KDM2B: variants seen among roughly 807,000 people sequenced by gnomAD.
The protein encoded by KDM2B is lysine demethylase 2B.
A neutral mutation model predicts 150.0 loss-of-function variants in KDM2B; 26 were observed. That is an observed-to-expected ratio of 0.17 (90% confidence interval 0.13 to 0.24). The LOEUF is 0.24. Among genes scored for constraint, KDM2B ranks in the 10% least tolerant of loss-of-function variants. The pLI is 1.00. For missense variants in KDM2B, 1,265 were observed against 1,816.9 expected (o/e 0.70, Z 5.52); for synonymous variants, 734 against 729.5 (o/e 1.01, Z -0.10).
the KDM2B span, among the ~76,000 whole-genome samples, chr12:121,413,119 C>T: frequency 2.1e-5 from 3 of 145,786 alleles, no homozygotes; most frequent in Non-Finnish European, 3.0e-5. Flanking sequence ...TCCGCCTCCC[C>T]GGTTCAAGCG....
intron 6 of KDM2B, among the ~76,000 whole-genome samples, chr12:121,540,777 A>G (rs1237210889): frequency 5.2e-5 from 7 of 135,516 alleles, no homozygotes; most frequent in African/African-American, 2.0e-4. Flanking sequence ...AAAAAAAAAA[A>G]GTAGAGGATG....
Position 121,442,357 on chromosome 12 carries a change from G to C in KDM2B, c.3084C>G (p.Pro1028=). The part of the protein sequence containing the change: ...SPPRVISRPP[P]SVSPPKCIQM... ...GGATACACTTGGGCGGGGACACGGA[G>C]GGTGGGGGCCGGGAGATGACACGGG... The change falls in exon 19 of 23, where the codon CCC becomes CCG. Residue 1028 remains proline (P), a synonymous_variant. Transcript: ENST00000377071. The surrounding 1 kb of genome is among the most constrained non-coding windows in gnomAD (Gnocchi z 7.7). The C allele has an allele frequency of 6.3e-7, 1 of 1,586,392 alleles. No homozygotes were observed. Among genetic ancestry groups the C allele is most frequent in the South Asian group, 1.1e-5 (1 of 88,440 alleles).
downstream of KDM2B, among the ~76,000 whole-genome samples, chr12:121,428,741 CACTTGGGG>C (rs1179211029): frequency 6.6e-4 from 100 of 152,312 alleles, no homozygotes; most frequent in African/African-American, 2.3e-3. Context: ...CTGCATCTGC[CACTTGGGG>C]AAGCCACCTC....
chr12:121,484,952 A>G (rs1264404557), intron 12 of KDM2B, among the ~76,000 whole-genome samples: 3 of 152,162 alleles, frequency 2.0e-5, no homozygotes, highest in Middle Eastern at 3.2e-3. Flanking sequence ...AGCCCCTAGC[A>G]CCCATATGAT....
chr12:121,457,739 TACACACACACACACAC>T (rs138823282), intron 12 of KDM2B, among the ~76,000 whole-genome samples: 34 of 145,096 alleles, frequency 2.3e-4, no homozygotes, highest in African/African-American at 8.3e-4. Context: ...ATCGGAAACA[TACACACACACACACAC>T]ACACACACAC....
intron 6 of KDM2B, among the ~76,000 whole-genome samples, chr12:121,544,760 A>C (rs932972853): frequency 6.6e-6 from 1 of 151,636 alleles, no homozygotes; most frequent in African/African-American, 2.4e-5. Context: ...TAAAAATACA[A>C]AAATTAGCTG....
the KDM2B span, among the ~76,000 whole-genome samples, chr12:121,419,446 T>C: frequency 1.3e-5 from 2 of 152,194 alleles, no homozygotes; most frequent in South Asian, 4.1e-4. Context: ...GTTTTATTAT[T>C]CTCCCAAATG....
Position 121,441,179 on chromosome 12 carries a change from G to T in KDM2B, c.3339C>A (p.Ile1113=), listed in dbSNP as rs1555288176. Residue 1113 remains isoleucine (I), a synonymous_variant, in exon 20 of 23, where the codon ATC becomes ATA. Coordinates refer to ENST00000377071, the MANE Select transcript of KDM2B (RefSeq NM_032590.5). ...TRIDLNHCKS[I]TPLMLSGIIR... is the part of the protein sequence containing the mutation. ...TGATGCCACTCAGCATCAGGGGTGT[G>T]ATAGACTTGCAGTGGTTCAGGTCAA... 1.2e-6 allele frequency: 2 copies of T among 1,614,188 alleles called. No individual in the cohort carries two copies. Among genetic ancestry groups the T allele is most frequent in the Non-Finnish European group, 1.7e-6 (2 of 1,180,022 alleles).
chr12:121,452,153 G>T lies in KDM2B; in HGVS notation c.1959+967C>A, dbSNP rs1363421490. Among the ~76,000 whole-genome samples, 4 of 152,044 alleles carry T rather than the reference G, an allele frequency of 2.6e-5. No individual in the cohort carries two copies. The highest frequency in any genetic ancestry group is 6.6e-5 in the Admixed American group (1 of 15,248). The stretch of plus-strand genomic sequence containing the variant: ...TGGTGGTTGCCCGGGCTGAGGGAGG[G>T]GAAAGGGGAGTAGAGCTTCAGTGGG... On this transcript the variant is annotated intron_variant, in intron 13 of 22. Transcript: ENST00000377071. The surrounding 1 kb of genome is among the most constrained non-coding windows in gnomAD (Gnocchi z 4.4).
chr12:121,440,711 T>A, intron 21 of KDM2B, 105 bp downstream of exon 21: 2 of 1,125,904 alleles, frequency 1.8e-6, no homozygotes, highest in South Asian at 3.0e-5. Context: ...CAGAGACTCA[T>A]CCCTATGTCC....
the KDM2B span, among the ~76,000 whole-genome samples, chr12:121,421,443 C>CTTGGGA: frequency 0.038 from 5,533 of 146,208 alleles, 153 homozygotes; most frequent in Non-Finnish European, 0.058. Flanking sequence ...GTCCCAGCTA[C>CTTGGGA]TTGGGAGGCT....
Position 121,429,933 on chromosome 12 carries a change from G to C in KDM2B, c.*355C>G. 1.6e-6 allele frequency: 1 copy of C among 635,508 alleles called. No homozygotes were observed. Among genetic ancestry groups the C allele is most frequent in the Non-Finnish European group, 2.8e-6 (1 of 352,962 alleles). 39.4% of individuals were successfully genotyped at this position (635,508 alleles called of 1,614,324 possible). The stretch of plus-strand genomic sequence containing the variant: ...AACACCCAAAACCTCGGTGTTGCAA[G>C]GAATGAAGTGTCCAAAACACCACTA... On this transcript the variant is annotated 3_prime_UTR_variant, in exon 23 of 23. Coordinates refer to ENST00000377071, the MANE Select transcript of KDM2B (RefSeq NM_032590.5).
At chr12:121,536,600 T>C (rs1187101148) in intron 6 of KDM2B, among the ~76,000 whole-genome samples, 1 of 150,180 alleles carries the variant, frequency 6.7e-6, no homozygotes, top group Non-Finnish European at 1.5e-5. Context: ...TGGCCTCTTC[T>C]CTCTAAGCAC....
At chr12:121,483,056 G>A (rs948391481) in intron 12 of KDM2B, among the ~76,000 whole-genome samples, 11 of 151,920 alleles carry the variant, frequency 7.2e-5, no homozygotes, top group African/African-American at 1.7e-4. Context: ...CCAGCTACTC[G>A]GGAGGCTGAG....
At chr12:121,527,123 C>G (rs1405165269) in intron 8 of KDM2B, among the ~76,000 whole-genome samples, 1 of 151,580 alleles carries the variant, frequency 6.6e-6, no homozygotes, top group Non-Finnish European at 1.5e-5. Flanking sequence ...TCTCTGCTCA[C>G]TGCAAGCTCT....
intron 1 of KDM2B, chr12:121,580,140 C>G: frequency 6.4e-7 from 1 of 1,565,580 alleles, no homozygotes; most frequent in Non-Finnish European, 8.6e-7. Context: ...CCAAAGAAAA[C>G]AAACCAAAAA....
chr12:121,474,395 A>G (rs1427733765), intron 12 of KDM2B, among the ~76,000 whole-genome samples: 1 of 152,168 alleles, frequency 6.6e-6, no homozygotes, highest in Non-Finnish European at 1.5e-5. Context: ...GGGTGCCTGT[A>G]GTCCCAGCTA....
intron 4 of KDM2B, among the ~76,000 whole-genome samples, chr12:121,554,723 T>TA (rs1217651502): frequency 6.6e-6 from 1 of 152,162 alleles, no homozygotes; most frequent in African/African-American, 2.4e-5. Context: ...TAACATACTT[T>TA]AAATTAACAC....
chr12:121,444,434 G>A lies in KDM2B; in HGVS notation c.2190+16C>T. On this transcript the variant is annotated intron_variant, in intron 15 of 22. Coordinates refer to ENST00000377071, the MANE Select transcript of KDM2B (RefSeq NM_032590.5). ...CCTCTCCCGACTGACCCTGGGACTTGGAGCCCGGCACTCACTTTCCCGGTC... is the reference window on the plus strand; with the variant it reads ...CCTCTCCCGACTGACCCTGGGACTTAGAGCCCGGCACTCACTTTCCCGGTC... 4 of 1,613,932 alleles carry A rather than the reference G, an allele frequency of 2.5e-6. No individual in the cohort carries two copies. Among genetic ancestry groups the A allele is most frequent in the Non-Finnish European group, 3.4e-6 (4 of 1,179,858 alleles).
Sources: gnomAD v4.1 joint callset for allele counts (sites outside exome capture counted in the v4.1 genomes callset) on GRCh38, gnomAD v4.1.1 for gene constraint, Gnocchi (gnomAD v3.1) non-coding constraint, MANE v1.5 for transcripts, NCBI Gene and HGNC (gene_info 2026-07-23, HGNC 2026-07-21) for gene names.